Variants in ANXA8 observed in about 807,000 individuals in gnomAD.
The protein encoded by ANXA8 is annexin A8.
A neutral mutation model predicts 26.8 loss-of-function variants in ANXA8; 9 were observed. The observed-to-expected ratio is 0.34, with a 90% CI of 0.20 to 0.59. ANXA8 has a LOEUF of 0.59. ANXA8 is among the 20% of genes least tolerant of loss of function. ANXA8 has a pLI of 0.84. For synonymous variants in ANXA8, 39 were observed against 94.8 expected (o/e 0.41, Z 3.42); for missense variants, 83 against 238.5 (o/e 0.35, Z 4.29).
the ANXA8 span, chr10:47,986,689 C>T: frequency 5.8e-5 from 21 of 359,470 alleles, no homozygotes; most frequent in South Asian, 4.3e-4. Context: ...CAACGCGTCA[C>T]TCCGGCTTCC....
At chr10:47,977,470 T>C in the ANXA8 span, among the ~76,000 whole-genome samples, 1 of 151,086 alleles carries the variant, frequency 6.6e-6, no homozygotes, top group Admixed American at 6.6e-5. Context: ...AAACTTTTTC[T>C]TGAGGAAGCC....
the ANXA8 span, among the ~76,000 whole-genome samples, chr10:47,561,443 G>A: frequency 1.3e-5 from 2 of 151,798 alleles, no homozygotes; most frequent in African/African-American, 2.4e-5. Context: ...TATTCACCAT[G>A]CTGTGCAATT....
the ANXA8 span, among the ~76,000 whole-genome samples, chr10:47,745,843 C>T: frequency 6.7e-6 from 1 of 149,608 alleles, no homozygotes; most frequent in Non-Finnish European, 1.5e-5. Flanking sequence ...CTTCTCTGAC[C>T]CTTGATTTGG....
the ANXA8 span, among the ~76,000 whole-genome samples, chr10:47,953,114 A>T: frequency 6.6e-6 from 1 of 150,492 alleles, no homozygotes; most frequent in South Asian, 2.1e-4. Context: ...AATGGGCCTT[A>T]TTGAAATTAA....
At chr10:47,948,444 G>T in the ANXA8 span, among the ~76,000 whole-genome samples, 2 of 125,104 alleles carry the variant, frequency 1.6e-5, no homozygotes, top group African/African-American at 3.3e-5. Context: ...GAAATACAAG[G>T]GCCAAAAATA....
the ANXA8 span, among the ~76,000 whole-genome samples, chr10:47,506,786 C>T: frequency 1.4e-5 from 2 of 144,128 alleles, no homozygotes; most frequent in Admixed American, 7.1e-5. Context: ...ACTACAGGTG[C>T]GTGCCACCAT....
the ANXA8 span, among the ~76,000 whole-genome samples, chr10:47,737,636 C>A: frequency 4.0e-5 from 6 of 151,108 alleles, no homozygotes; most frequent in Non-Finnish European, 8.8e-5. Context: ...GACATCTTTG[C>A]CCATCTGTTC....
chr10:47,744,423 T>TGGGGGGGGGGGGGGGAAGGGGGGGGGG, the ANXA8 span, among the ~76,000 whole-genome samples: 1 of 6,436 alleles, frequency 1.6e-4, no homozygotes, highest in African/African-American at 6.3e-4. Flanking sequence ...GGGGGGGGGT[T>TGGGGGGGGGGGGGGGAAGGGGGGGGGG]GGGGGGGAGG....
chr10:47,508,095 G>A, the ANXA8 span, among the ~76,000 whole-genome samples: 35 of 129,090 alleles, frequency 2.7e-4, 2 homozygotes, highest in African/African-American at 8.8e-4. Flanking sequence ...GTGGAGTTTC[G>A]CTCTTGTTGC....
chr10:47,493,052 G>A, the ANXA8 span, among the ~76,000 whole-genome samples: 1 of 151,496 alleles, frequency 6.6e-6, no homozygotes, highest in Non-Finnish European at 1.5e-5. Flanking sequence ...CCCTAGGGTG[G>A]ACAGTGGGTA....
At chr10:47,502,725 C>T in the ANXA8 span, 2 of 1,604,576 alleles carry the variant, frequency 1.2e-6, no homozygotes, top group Non-Finnish European at 1.7e-6. Context: ...TTTGGATCGA[C>T]TGCAGGGCCA....
the ANXA8 span, chr10:47,502,342 G>A: frequency 1.2e-6 from 2 of 1,603,408 alleles, no homozygotes; most frequent in South Asian, 2.2e-5. Flanking sequence ...GTCCTCATCA[G>A]TGGTGGCCCG....
the ANXA8 span, among the ~76,000 whole-genome samples, chr10:47,756,788 G>C: frequency 6.7e-6 from 1 of 150,034 alleles, no homozygotes; most frequent in African/African-American, 2.4e-5. Context: ...ATTCTGGGAG[G>C]CCAAGCATCA....
chr10:47,599,318 C>T, the ANXA8 span, among the ~76,000 whole-genome samples: 1 of 142,000 alleles, frequency 7.0e-6, no homozygotes, highest in Non-Finnish European at 1.5e-5. Flanking sequence ...CTTTATTTAA[C>T]ATCTTTGGGT....
At chr10:47,988,776 G>A in the ANXA8 span, among the ~76,000 whole-genome samples, 11 of 151,660 alleles carry the variant, frequency 7.3e-5, no homozygotes, top group African/African-American at 2.2e-4. Flanking sequence ...GGCCATCAAG[G>A]ATTGGCTCAG....
the ANXA8 span, among the ~76,000 whole-genome samples, chr10:47,679,366 C>G: frequency 3.9e-5 from 6 of 152,286 alleles, no homozygotes; most frequent in African/African-American, 1.4e-4. Context: ...GCCTGTAATC[C>G]TAACACTTTG....
the ANXA8 span, among the ~76,000 whole-genome samples, chr10:47,585,243 G>C: frequency 1.3e-5 from 1 of 78,792 alleles, no homozygotes; most frequent in Non-Finnish European, 2.2e-5. Flanking sequence ...CAGCCTGAGA[G>C]ACATAGCGAG....
chr10:47,731,250 AAATT>A, the ANXA8 span, among the ~76,000 whole-genome samples: 1 of 150,340 alleles, frequency 6.7e-6, no homozygotes, highest in Non-Finnish European at 1.5e-5. Context: ...ATGTTTTTAA[AAATT>A]CCTTTGGTTC....
At chr10:47,745,034 A>G in the ANXA8 span, among the ~76,000 whole-genome samples, 204 of 151,862 alleles carry the variant, frequency 1.3e-3, no homozygotes, top group African/African-American at 4.7e-3. Context: ...ATTTGGCTCC[A>G]GGCATTGGGC....
Sources: allele counts gnomAD v4.1 joint callset (sites outside exome capture counted in the v4.1 genomes callset), GRCh38; gene constraint gnomAD v4.1.1; transcripts MANE v1.5; gene names NCBI Gene and HGNC (gene_info 2026-07-23, HGNC 2026-07-21).